PTPRJ: variants seen among roughly 807,000 people sequenced by gnomAD.
PTPRJ encodes protein tyrosine phosphatase receptor type J, also known as receptor-type tyrosine-protein phosphatase eta.
Under a neutral mutation model 141.3 loss-of-function variants are expected in PTPRJ, and 129 were observed. The ratio of observed to expected loss-of-function variants is 0.91; its 90% CI spans 0.79 to 1.06. The LOEUF (loss-of-function observed/expected upper bound fraction) is 1.06. PTPRJ is among the 50% of genes least tolerant of loss of function. The probability of loss-of-function intolerance (pLI) is 0.00; values close to 1 mark genes in which losing one functional copy is unlikely to be tolerated. For missense variants in PTPRJ, 1,601 were observed against 1,679.7 expected, an observed-to-expected ratio of 0.95 and a Z score of 0.82; for synonymous variants, 610 against 640.5, an observed-to-expected ratio of 0.95 and a Z score of 0.72.
At chr11:48,066,009 C>T (rs540281235) in intron 1 of PTPRJ, among the ~76,000 whole-genome samples, 21 of 152,126 alleles carry the variant, frequency 1.4e-4, no homozygotes, top group Non-Finnish European at 2.6e-4. Context: ...TAGCTGGGCA[C>T]GGTGGTGTGC....
At chr11:48,161,878 G>C (rs1417590346) in intron 22 of PTPRJ, among the ~76,000 whole-genome samples, 5 of 152,100 alleles carry the variant, frequency 3.3e-5, no homozygotes, top group African/African-American at 1.2e-4. Flanking sequence ...CTCCAAAAGT[G>C]TTAGGATTAC....
chr11:48,111,885 A>G (rs1856451453), intron 2 of PTPRJ, among the ~76,000 whole-genome samples: 1 of 152,064 alleles, frequency 6.6e-6, no homozygotes, highest in Non-Finnish European at 1.5e-5. Context: ...AGGAGGCTTT[A>G]GGCCTGGCCC....
chr11:48,126,775 A>AACACACACACAC (rs10599361), intron 6 of PTPRJ, among the ~76,000 whole-genome samples: 20 of 137,244 alleles, frequency 1.5e-4, no homozygotes, highest in African/African-American at 2.5e-4. Context: ...AGTCTGTTGC[A>AACACACACACAC]ACACACACAC....
intron 18 of PTPRJ, among the ~76,000 whole-genome samples, chr11:48,153,583 T>C (rs1473875354): frequency 6.6e-6 from 1 of 151,942 alleles, no homozygotes. Flanking sequence ...TTTCAGTTCT[T>C]TGTTACTCCC....
chr11:48,139,124 C>A (rs1490201137), intron 10 of PTPRJ, among the ~76,000 whole-genome samples: 1 of 151,942 alleles, frequency 6.6e-6, no homozygotes, highest in Non-Finnish European at 1.5e-5. Context: ...CAGAGCGAGA[C>A]TCCGTCTCAA....
chr11:48,033,785 G>A (rs545496331), intron 1 of PTPRJ, among the ~76,000 whole-genome samples: 49 of 152,270 alleles, frequency 3.2e-4, no homozygotes, highest in African/African-American at 1.2e-3. Context: ...TGTGAAGGAG[G>A]ACCAAGAGGA....
intron 18 of PTPRJ, among the ~76,000 whole-genome samples, chr11:48,150,430 G>T (rs1565328763): frequency 6.6e-6 from 1 of 152,200 alleles, no homozygotes; most frequent in African/African-American, 2.4e-5. Context: ...TATAACGCAA[G>T]GGGTTGTTGC....
chr11:48,061,736 T>G (rs1026215442), intron 1 of PTPRJ, among the ~76,000 whole-genome samples: 5 of 152,054 alleles, frequency 3.3e-5, no homozygotes, highest in Non-Finnish European at 5.9e-5. Context: ...GCTGCCTGCT[T>G]CAGGAGGACT....
chr11:48,111,647 C>T (rs551164525), intron 2 of PTPRJ, among the ~76,000 whole-genome samples: 13 of 152,260 alleles, frequency 8.5e-5, no homozygotes, highest in South Asian at 8.3e-4. Context: ...CAGAAGAACA[C>T]TTCTATTCAA....
chr11:48,066,749 C>T (rs368495463), intron 1 of PTPRJ, among the ~76,000 whole-genome samples: 60 of 152,136 alleles, frequency 3.9e-4, no homozygotes, highest in African/African-American at 1.4e-3. Flanking sequence ...CTATGTCCAA[C>T]TAATTTTTTT....
chr11:48,136,217 G>A lies in PTPRJ; in HGVS notation c.1794G>A (p.Pro598=), dbSNP rs369760760. Reference sequence around the variant, plus strand: ...CGATTACTCTCCAGGGCCTGATTCCGGGCACCTTATATAACATCACCATCT... The same window carrying A: ...CGATTACTCTCCAGGGCCTGATTCCAGGCACCTTATATAACATCACCATCT... The part of the protein sequence containing the change: ...DKAITLQGLI[P]GTLYNITISP... Residue 598 remains proline, a synonymous_variant, in exon 9 of 25, where the codon CCG becomes CCA. Transcript: ENST00000418331. 3.8e-5 allele frequency: 62 copies of A among 1,614,026 alleles called. No homozygotes were observed. The highest frequency in any genetic ancestry group is 1.2e-4 in the South Asian group (11 of 91,082).
At chr11:48,068,788 G>C (rs995267836) in intron 1 of PTPRJ, among the ~76,000 whole-genome samples, 1 of 152,158 alleles carries the variant, frequency 6.6e-6, no homozygotes, top group African/African-American at 2.4e-5. Context: ...AGCATGGGCT[G>C]GGTCCCTCTC....
chr11:48,126,631 T>C (rs1291377764), intron 6 of PTPRJ, among the ~76,000 whole-genome samples: 2 of 151,994 alleles, frequency 1.3e-5, no homozygotes, highest in East Asian at 3.9e-4. Flanking sequence ...CCAGCCTTTT[T>C]GATAAGGGCA....
chr11:48,116,073 T>A (rs1856558367), intron 3 of PTPRJ, among the ~76,000 whole-genome samples: 1 of 151,904 alleles, frequency 6.6e-6, no homozygotes, highest in Non-Finnish European at 1.5e-5. Context: ...CTATCAATAA[T>A]AACCTTGAAA....
chr11:48,095,640 C>T (rs1057014319), intron 1 of PTPRJ, among the ~76,000 whole-genome samples: 12 of 148,508 alleles, frequency 8.1e-5, no homozygotes, highest in Non-Finnish European at 1.0e-4. Flanking sequence ...AGTGCAGTGG[C>T]ATGATCTCAG....
At position 48,136,417 on chromosome 11, in the gene PTPRJ, T is replaced by C. The variant is rs17198950; in HGVS notation, c.1873+121T>C. The stretch of plus-strand genomic sequence containing the variant: ...CAGGTTGACTCTGAAACTGCTGAAG[T>C]TGAAAACATTGGTCTCAGCAATGGT... On this transcript the variant is annotated intron_variant, in intron 9 of 24. Transcript: ENST00000418331. 3.2e-3 allele frequency: 3,889 copies of C among 1,223,996 alleles called. 243 individuals are homozygous for C. The East Asian group carries it at 0.072, about 23-fold the overall frequency. 75.8% of individuals were successfully genotyped at this position (1,223,996 alleles called of 1,614,324 possible).
chr11:48,082,304 A>G (rs1222948261), intron 1 of PTPRJ, among the ~76,000 whole-genome samples: 4 of 151,770 alleles, frequency 2.6e-5, no homozygotes, highest in Non-Finnish European at 4.4e-5. Context: ...GTGCAGTGGC[A>G]CAATTATAGC....
intron 1 of PTPRJ, among the ~76,000 whole-genome samples, chr11:48,086,531 C>T (rs926513650): frequency 7.9e-5 from 12 of 152,228 alleles, no homozygotes; most frequent in Admixed American, 4.6e-4. Flanking sequence ...ACTGAGGTAG[C>T]GACAGGTGAA....
Position 48,011,263 on chromosome 11 carries a change from C to G in PTPRJ, c.96+30255C>G, listed in dbSNP as rs546028606. Among the ~76,000 whole-genome samples the G allele has an allele frequency of 2.0e-5, 3 of 152,258 alleles. No homozygotes were observed. The East Asian group carries it at 5.8e-4, about 29-fold the overall frequency. ...GTTTGTAAGAGAGATCCATCCAGATCAAGCCTGTGCAGCAATAATGTATGT... is the reference window on the plus strand; with the variant it reads ...GTTTGTAAGAGAGATCCATCCAGATGAAGCCTGTGCAGCAATAATGTATGT... On this transcript the variant is annotated intron_variant, in intron 1 of 24. Coordinates refer to ENST00000418331, the MANE Select transcript of PTPRJ (RefSeq NM_002843.4).
Sources: allele counts gnomAD v4.1 joint callset (sites outside exome capture counted in the v4.1 genomes callset), GRCh38; gene constraint gnomAD v4.1.1; transcripts MANE v1.5; gene names NCBI Gene and HGNC (gene_info 2026-07-23, HGNC 2026-07-21).